FAM163A: variants seen among roughly 807,000 people sequenced by gnomAD.
FAM163A encodes family with sequence similarity 163 member A.
A neutral mutation model predicts 12.0 loss-of-function variants in FAM163A; 7 were observed. The ratio of observed to expected loss-of-function variants is 0.58; its 90% CI spans 0.33 to 1.10. The LOEUF (loss-of-function observed/expected upper bound fraction) is 1.10, where lower values mean the gene tolerates loss of function less well. FAM163A is among the 50% of genes least tolerant of loss of function. The pLI, the probability that FAM163A is intolerant of heterozygous loss-of-function variation, is 0.03. For missense variants in FAM163A, 202 were observed against 218.6 expected (o/e 0.92, Z 0.48); for synonymous variants, 101 against 91.0 (o/e 1.11, Z -0.62).
At chr1:179,746,996 C>G (rs1160775160) in intron 1 of FAM163A, among the ~76,000 whole-genome samples, 1 of 152,146 alleles carries the variant, frequency 6.6e-6, no homozygotes, top group African/African-American at 2.4e-5. Flanking sequence ...ACCCCTTTCT[C>G]TATTGCCCTA....
the FAM163A span, among the ~76,000 whole-genome samples, chr1:179,731,004 T>C: frequency 6.6e-6 from 1 of 152,162 alleles, no homozygotes; most frequent in African/African-American, 2.4e-5. Flanking sequence ...TACTTTGGAA[T>C]TTTTATTTAT....
intron 4 of FAM163A, 50 bp downstream of exon 4, chr1:179,813,240 T>G: frequency 6.6e-7 from 1 of 1,510,288 alleles, no homozygotes; most frequent in South Asian, 1.2e-5. Flanking sequence ...CCAGCAAACC[T>G]CTTTTTCATT....
rs768223408 is a variant in FAM163A, at chr1:179,813,778, G to A, written c.94-1G>A. ...AGGCATCCCTCTGCCCTTCCGCACAGTATTACTGCTGCAAGAAGAGCGGAA... is the reference window on the plus strand; with the variant it reads ...AGGCATCCCTCTGCCCTTCCGCACAATATTACTGCTGCAAGAAGAGCGGAA... On this transcript the variant is annotated splice_acceptor_variant, in intron 4 of 4. Transcript: ENST00000341785. LOFTEE classifies it high-confidence loss of function. 1.1e-5 allele frequency: 17 copies of A among 1,613,866 alleles called. No individual in the cohort carries two copies. The highest frequency in any genetic ancestry group is 1.4e-5 in the Non-Finnish European group (16 of 1,180,018).
intron 3 of FAM163A, 42 bp from the exon 4 acceptor site, chr1:179,813,034 T>C: frequency 1.3e-6 from 2 of 1,531,160 alleles, no homozygotes; most frequent in Non-Finnish European, 1.8e-6. Flanking sequence ...AGCCCAGGGC[T>C]GCAGCCACAG....
chr1:179,755,543 G>A (rs1195158159), intron 1 of FAM163A, among the ~76,000 whole-genome samples: 2 of 152,234 alleles, frequency 1.3e-5, no homozygotes, highest in Admixed American at 1.3e-4. Context: ...AGAGTTGGCA[G>A]TGGGATCGGG....
intron 1 of FAM163A, among the ~76,000 whole-genome samples, chr1:179,747,672 T>A (rs1422974653): frequency 6.6e-6 from 1 of 152,210 alleles, no homozygotes; most frequent in Non-Finnish European, 1.5e-5. Flanking sequence ...ACTTTTCCAT[T>A]CTCTACGCAG....
At position 179,745,057 on chromosome 1, in the gene FAM163A, G is replaced by A. The variant is rs1039905882; in HGVS notation, c.-136+1634G>A. Reference sequence around the variant, plus strand: ...AAGGAACAGTAAAGGTACATGCTCTGAAAACAGATTTTCTTAGCCTTCTCT... The same window carrying A: ...AAGGAACAGTAAAGGTACATGCTCTAAAAACAGATTTTCTTAGCCTTCTCT... On this transcript the variant is annotated intron_variant, in intron 1 of 4. Transcript: ENST00000341785. 2.0e-4 allele frequency among the ~76,000 whole-genome samples: 31 copies of A among 152,176 alleles called. 2 individuals carry two copies. Among genetic ancestry groups the A allele is most frequent in the Admixed American group, 2.0e-3 (31 of 15,272 alleles).
chr1:179,794,369 C>A (rs185367993), intron 1 of FAM163A, among the ~76,000 whole-genome samples: 38 of 152,302 alleles, frequency 2.5e-4, no homozygotes, highest in Middle Eastern at 3.4e-3. Flanking sequence ...ATAGTACCCC[C>A]ATTCACTCAA....
intron 1 of FAM163A, among the ~76,000 whole-genome samples, chr1:179,805,843 T>G (rs1441675788): frequency 6.6e-6 from 1 of 152,118 alleles, no homozygotes. Flanking sequence ...TCTCCTGGGG[T>G]TCCCTGCTGG....
At chr1:179,741,058 A>G (rs1052393183), upstream of FAM163A, among the ~76,000 whole-genome samples, 1 of 152,258 alleles carries the variant, frequency 6.6e-6, no homozygotes, top group Non-Finnish European at 1.5e-5. Flanking sequence ...AAGGCATGGT[A>G]GCAGCTAGAC....
chr1:179,728,900 A>T, the FAM163A span, among the ~76,000 whole-genome samples: 1 of 152,096 alleles, frequency 6.6e-6, no homozygotes, highest in African/African-American at 2.4e-5. Flanking sequence ...TGTTTGTGTC[A>T]AGACCTGGGC....
intron 1 of FAM163A, among the ~76,000 whole-genome samples, chr1:179,744,230 G>A (rs902987583): frequency 6.6e-6 from 1 of 152,108 alleles, no homozygotes; most frequent in Non-Finnish European, 1.5e-5. Context: ...CCTTGCTCCC[G>A]AGGCCCCAGA....
upstream of FAM163A, among the ~76,000 whole-genome samples, chr1:179,741,059 G>A (rs1409897875): frequency 6.6e-6 from 1 of 152,204 alleles, no homozygotes. Context: ...AGGCATGGTA[G>A]CAGCTAGACT....
chr1:179,728,735 A>G, the FAM163A span, among the ~76,000 whole-genome samples: 3 of 152,200 alleles, frequency 2.0e-5, no homozygotes, highest in African/African-American at 7.2e-5. Context: ...TAAACCACCA[A>G]AGATTAGCCA....
At chr1:179,771,074 C>T (rs921924976) in intron 1 of FAM163A, among the ~76,000 whole-genome samples, 6 of 152,068 alleles carry the variant, frequency 3.9e-5, no homozygotes, top group African/African-American at 1.2e-4. Context: ...CTGCTTTTTC[C>T]GGTATGATCT....
At position 179,814,334 on chromosome 1, in the gene FAM163A, T is replaced by C. The variant is rs1695111658; in HGVS notation, c.*145T>C. The C allele has an allele frequency of 8.7e-7, 1 of 1,150,110 alleles. No individual in the cohort carries two copies. The highest frequency in any genetic ancestry group is 1.6e-5 in the South Asian group (1 of 61,466). 71.2% of individuals were successfully genotyped at this position (1,150,110 alleles called of 1,614,324 possible). On this transcript the variant is annotated 3_prime_UTR_variant, in exon 5 of 5. Transcript: ENST00000341785. ...CTCCGCAGTGGAGGGTTTACTAGGATTTAAGCTTTTGAGTGCATTGAGAAC... is the reference window on the plus strand; with the variant it reads ...CTCCGCAGTGGAGGGTTTACTAGGACTTAAGCTTTTGAGTGCATTGAGAAC...
chr1:179,733,540 T>A, the FAM163A span, among the ~76,000 whole-genome samples: 33 of 152,276 alleles, frequency 2.2e-4, no homozygotes, highest in African/African-American at 7.7e-4. Context: ...TAGCATGCTC[T>A]GTTCCTTATA....
intron 1 of FAM163A, among the ~76,000 whole-genome samples, chr1:179,764,111 A>G (rs1450309862): frequency 1.3e-5 from 2 of 152,252 alleles, no homozygotes; most frequent in Non-Finnish European, 2.9e-5. Flanking sequence ...CCCAGGGCTC[A>G]AAAGAAACAA....
intron 1 of FAM163A, among the ~76,000 whole-genome samples, chr1:179,786,923 G>A (rs1690712343): frequency 6.6e-6 from 1 of 152,146 alleles, no homozygotes; most frequent in Non-Finnish European, 1.5e-5. Flanking sequence ...ACAAAGCAGG[G>A]TGCCAGAGTT....
Sources: allele counts gnomAD v4.1 joint callset (sites outside exome capture counted in the v4.1 genomes callset), GRCh38; gene constraint gnomAD v4.1.1; transcripts MANE v1.5; gene names NCBI Gene and HGNC (gene_info 2026-07-23, HGNC 2026-07-21).